Variants in NCOA1 observed in about 807,000 individuals in gnomAD.
The protein encoded by NCOA1 is Hin-2 protein.
In NCOA1, 35 loss-of-function variants were observed where a neutral mutation model predicts 150.9. That is an observed-to-expected ratio of 0.23 (90% CI 0.18 to 0.31). NCOA1 has a LOEUF of 0.31. NCOA1 is among the 10% of genes least tolerant of loss of function. The pLI is 1.00. For missense variants in NCOA1, 1,491 were observed against 1,749.3 expected, an observed-to-expected ratio of 0.85 and a Z score of 2.63; for synonymous variants, 590 against 630.0, an observed-to-expected ratio of 0.94 and a Z score of 0.95.
chr2:24,629,809 C>CATATAT (rs1281547183), intron 3 of NCOA1, among the ~76,000 whole-genome samples: 203 of 97,326 alleles, frequency 2.1e-3, no homozygotes, highest in East Asian at 4.3e-3. Flanking sequence ...TTTTAAGTAA[C>CATATAT]ATACATACAT....
intron 2 of NCOA1, among the ~76,000 whole-genome samples, chr2:24,565,252 A>G (rs999695606): frequency 3.3e-5 from 5 of 152,384 alleles, no homozygotes; most frequent in Admixed American, 3.3e-4. Flanking sequence ...ATGAATTCCA[A>G]ACAGGTAGAG....
rs1410729417 is a variant in NCOA1, at chr2:24,643,940, CTTTTAT to C, written c.-174-21_-174-16del. The C allele has an allele frequency of 3.9e-5, 6 of 152,016 alleles. No homozygotes were observed. The East Asian group carries it at 1.2e-3, about 29-fold the overall frequency. 9.4% of individuals were successfully genotyped at this position (152,016 alleles called of 1,614,324 possible). A position where few individuals can be genotyped will look rare whatever the true frequency, so the allele number is the denominator to read the frequency against. ...AAATGGCAATCTAACGTCCCTTCTG[CTTTTAT>C]TTTTGTCTTTTTATTCTAGTTGTTT... is the stretch of plus-strand genomic sequence containing the variant. On this transcript the variant is annotated intron_variant, in intron 3 of 22. Coordinates refer to ENST00000348332, the MANE Select transcript of NCOA1 (RefSeq NM_003743.5).
intron 6 of NCOA1, among the ~76,000 whole-genome samples, chr2:24,670,929 G>A (rs1158046514): frequency 6.6e-6 from 1 of 152,178 alleles, no homozygotes; most frequent in African/African-American, 2.4e-5. Context: ...TTGTTTTTCA[G>A]TGAGGATGCA....
Position 24,706,706 on chromosome 2 carries a change from C to T in NCOA1, c.1236C>T (p.Asn412=). Residue 412 remains asparagine (N), a synonymous_variant, in exon 13 of 23, where the codon AAC becomes AAT. Transcript: ENST00000348332. Reference sequence around the variant, plus strand: ...CCACATTGCCACCATCCAACAGCAACATGGTATCCACCAGAATAAACCGCC... The same window carrying T: ...CCACATTGCCACCATCCAACAGCAATATGGTATCCACCAGAATAAACCGCC... ...RSSTLPPSNS[N]MVSTRINRQQ... is the part of the protein sequence containing the mutation. 1 of 1,614,200 alleles carries T rather than the reference C, an allele frequency of 6.2e-7. No homozygotes were observed. The highest frequency in any genetic ancestry group is 8.5e-7 in the Non-Finnish European group (1 of 1,180,028).
intron 1 of NCOA1, among the ~76,000 whole-genome samples, chr2:24,537,251 CA>C (rs1186676597): frequency 6.6e-6 from 1 of 151,740 alleles, no homozygotes; most frequent in Non-Finnish European, 1.5e-5. Flanking sequence ...CACACACACA[CA>C]CACACACACA....
Position 24,659,844 on chromosome 2 carries a change from C to G in NCOA1, c.89+1078C>G, listed in dbSNP as rs2148493983. The stretch of plus-strand genomic sequence containing the variant: ...TCAGTAGCATCTTAGTTGTGACAAC[C>G]AAAAATGTCTCCAAACATTGCCAAA... On this transcript the variant is annotated intron_variant, in intron 5 of 22. Transcript: ENST00000348332. 2.6e-5 allele frequency among the ~76,000 whole-genome samples: 4 copies of G among 152,156 alleles called. No individual in the cohort carries two copies. In the South Asian group the frequency reaches 8.3e-4, roughly 32 times the overall value.
intron 1 of NCOA1, among the ~76,000 whole-genome samples, chr2:24,500,183 A>G (rs1663399699): frequency 1.3e-5 from 2 of 151,946 alleles, no homozygotes; most frequent in Non-Finnish European, 2.9e-5. Context: ...ATCTCGGCTC[A>G]CTGCAACCTC....
intron 3 of NCOA1, among the ~76,000 whole-genome samples, chr2:24,603,797 T>C (rs2120001): frequency 0.053 from 8,115 of 152,322 alleles, 295 homozygotes; most frequent in East Asian, 0.19. Flanking sequence ...TCCAGGCTCC[T>C]GTTAATGTTG....
At chr2:24,675,702 T>G (rs908510526) in intron 7 of NCOA1, among the ~76,000 whole-genome samples, 1 of 152,208 alleles carries the variant, frequency 6.6e-6, no homozygotes, top group Admixed American at 6.5e-5. Flanking sequence ...CTGGCCAAGA[T>G]GGCAAAATCC....
At chr2:24,638,335 G>T (rs1435275133) in intron 3 of NCOA1, among the ~76,000 whole-genome samples, 1 of 151,758 alleles carries the variant, frequency 6.6e-6, no homozygotes, top group Non-Finnish European at 1.5e-5. Flanking sequence ...TGGCTGAATA[G>T]TACTCTGTTG....
chr2:24,705,070 C>A lies in NCOA1; in HGVS notation c.950-16C>A. On this transcript the variant is annotated splice_polypyrimidine_tract_variant and intron_variant, in intron 11 of 22. Transcript: ENST00000348332. ...GTATCAGAATTTTAACTAGGTTTCT[C>A]TTCTGTTTGAAACAGTGATGACTCG... is the stretch of plus-strand genomic sequence containing the variant. The A allele has an allele frequency of 6.2e-7, 1 of 1,607,904 alleles. No homozygotes were observed.
chr2:24,516,954 AAG>A (rs1265352273), intron 1 of NCOA1, among the ~76,000 whole-genome samples: 1 of 22,330 alleles, frequency 4.5e-5, no homozygotes, highest in Non-Finnish European at 2.1e-4. Context: ...GTATATATAC[AAG>A]TATATATACG....
intron 1 of NCOA1, among the ~76,000 whole-genome samples, chr2:24,542,787 T>A (rs1665452810): frequency 6.6e-6 from 1 of 152,186 alleles, no homozygotes; most frequent in Admixed American, 6.5e-5. Flanking sequence ...TATACTAACT[T>A]TTTACTTTTT....
intron 5 of NCOA1, among the ~76,000 whole-genome samples, chr2:24,664,096 A>C (rs560638043): frequency 3.0e-4 from 46 of 152,328 alleles, no homozygotes; most frequent in African/African-American, 1.1e-3. Flanking sequence ...TGCAGAGCTG[A>C]GGTTCCCTAA....
chr2:24,707,340 A>G lies in NCOA1; in HGVS notation c.1870A>G (p.Ser624Gly). 6.2e-7 allele frequency: 1 copy of G among 1,614,270 alleles called. No individual in the cohort carries two copies. Among genetic ancestry groups the G allele is most frequent in the South Asian group, 1.1e-5 (1 of 91,092 alleles). ...HNNDRLSDGDSKYSQTSHKLV... is the reference protein window; with the variant it reads ...HNNDRLSDGDGKYSQTSHKLV... ...CAATGACAGACTTTCAGATGGAGAC[A>G]GTAAATACTCTCAAACCAGTCACAA... Residue 624 changes from serine to glycine, a missense_variant, in exon 13 of 23, where the codon AGT becomes GGT. Physicochemically the swap from Ser to Gly is moderately conservative, Grantham distance 56 (BLOSUM62 0). Around this residue, in one of 8 missense-constraint regions of NCOA1, gnomAD observed 703 missense variants for 717.7 expected, o/e 0.98. Coordinates refer to ENST00000348332, the MANE Select transcript of NCOA1 (RefSeq NM_003743.5).
At chr2:24,741,684 A>G (rs1663608170) in intron 18 of NCOA1, 100 bp from the exon 19 acceptor site, 1 of 1,285,784 alleles carries the variant, frequency 7.8e-7, no homozygotes. Flanking sequence ...ATTGCTATGT[A>G]CTTTATTGCC....
chr2:24,728,309 C>G lies in NCOA1; in HGVS notation c.2719C>G (p.Gln907Glu), dbSNP rs1662803867. The G allele has an allele frequency of 6.2e-7, 1 of 1,601,054 alleles. No homozygotes were observed. Among genetic ancestry groups the G allele is most frequent in the Non-Finnish European group, 8.5e-7 (1 of 1,175,400 alleles). Residue 907 changes from glutamine (Q) to glutamate (E), a missense_variant and splice_region_variant, in exon 16 of 23, where the codon CAG becomes GAG. Around this residue, in one of 8 missense-constraint regions of NCOA1, gnomAD observed 703 missense variants for 717.7 expected, o/e 0.98. Coordinates refer to ENST00000348332, the MANE Select transcript of NCOA1 (RefSeq NM_003743.5). ...TAINQSKSEDQCISSQLDELL... is the reference protein window; with the variant it reads ...TAINQSKSEDECISSQLDELL... Reference sequence around the variant, plus strand: ...CTTTCTTGTTTTTTAATCCTGCAGCCAGTGTATTAGCTCACAATTAGATGA... The same window carrying G: ...CTTTCTTGTTTTTTAATCCTGCAGCGAGTGTATTAGCTCACAATTAGATGA...
chr2:24,579,974 A>G (rs930698845), intron 2 of NCOA1, among the ~76,000 whole-genome samples: 3 of 152,216 alleles, frequency 2.0e-5, no homozygotes, highest in Non-Finnish European at 2.9e-5. Context: ...CAGATTCCAG[A>G]CATGCCAAGA....
intron 3 of NCOA1, among the ~76,000 whole-genome samples, chr2:24,587,362 A>G (rs565541793): frequency 4.1e-4 from 63 of 152,274 alleles, no homozygotes; most frequent in Non-Finnish European, 7.9e-4. Context: ...CGCACCTGAC[A>G]TTGTTATTTT....
Sources: gnomAD v4.1 joint callset for allele counts (sites outside exome capture counted in the v4.1 genomes callset) on GRCh38, gnomAD v4.1.1 for gene constraint, gnomAD v4.1.1 regional missense constraint, MANE v1.5 for transcripts, NCBI Gene and HGNC (gene_info 2026-07-23, HGNC 2026-07-21) for gene names.